CUX1: variants seen among roughly 807,000 people sequenced by gnomAD.
CUX1 encodes the protein cut like homeobox 1.
A neutral mutation model predicts 158.8 loss-of-function variants in CUX1; 31 were observed. That is an observed-to-expected ratio of 0.20 (90% CI 0.15 to 0.26). CUX1 has a LOEUF of 0.26. CUX1 is among the 10% of genes least tolerant of loss of function. CUX1 has a pLI of 1.00. For missense variants in CUX1, 1,589 were observed against 2,014.6 expected, an observed-to-expected ratio of 0.79 and a Z score of 4.04; for synonymous variants, 879 against 862.1, an observed-to-expected ratio of 1.02 and a Z score of -0.34.
At chr7:101,857,234 C>T (rs142095350) in intron 1 of CUX1, among the ~76,000 whole-genome samples, 83 of 152,322 alleles carry the variant, frequency 5.4e-4, no homozygotes, top group East Asian at 2.7e-3. Flanking sequence ...CTCTGAAACC[C>T]GGGCACCTCC....
At chr7:102,219,055 A>AACACACACACACACACACACACAC (rs3138788) in intron 20 of CUX1, among the ~76,000 whole-genome samples, 60 of 126,356 alleles carry the variant, frequency 4.7e-4, no homozygotes, top group African/African-American at 8.7e-4. Context: ...CCTGCCTCAA[A>AACACACACACACACACACACACAC]ACACACACAC....
intron 2 of CUX1, among the ~76,000 whole-genome samples, chr7:101,945,958 ATG>A (rs1245410009): frequency 6.6e-6 from 1 of 152,154 alleles, no homozygotes; most frequent in Non-Finnish European, 1.5e-5. Context: ...TATTTAAAGA[ATG>A]AGTTCTATGC....
At chr7:102,237,360 C>G (rs1351171648) in intron 22 of CUX1, among the ~76,000 whole-genome samples, 2 of 151,660 alleles carry the variant, frequency 1.3e-5, no homozygotes, top group Non-Finnish European at 2.9e-5. Flanking sequence ...CTCGGGTGCA[C>G]GCAGCCTCGG....
At chr7:101,953,747 T>C (rs1809404479) in intron 2 of CUX1, among the ~76,000 whole-genome samples, 1 of 152,146 alleles carries the variant, frequency 6.6e-6, no homozygotes, top group African/African-American at 2.4e-5. Context: ...GCGATGTCTG[T>C]TTTGTCTCAC....
In CUX1 at chr7:102,254,694, G is replaced by A; in HGVS notation, c.*5652G>A. The A allele has an allele frequency of 3.0e-6, 3 of 985,512 alleles. No individual in the cohort carries two copies. The highest frequency in any genetic ancestry group is 3.6e-6 in the Non-Finnish European group (3 of 829,972). The allele number at this position is 985,512 out of a possible 1,614,324, so 61.0% of individuals were successfully genotyped here. ...TCAGTGCTTCTGTGGTTTCACCTGG[G>A]CATCGACGACATTAGGGAAGCCTTT... On this transcript the variant is annotated 3_prime_UTR_variant, in exon 24 of 24. Transcript: ENST00000292535.
At chr7:101,867,673 G>A (rs765637530) in intron 1 of CUX1, among the ~76,000 whole-genome samples, 30 of 152,160 alleles carry the variant, frequency 2.0e-4, no homozygotes, top group African/African-American at 4.8e-5. Context: ...GGTACCTCCC[G>A]GTAAGCAACC....
At chr7:101,898,589 T>A (rs1801785529) in intron 1 of CUX1, among the ~76,000 whole-genome samples, 1 of 145,490 alleles carries the variant, frequency 6.9e-6, no homozygotes, top group South Asian at 2.2e-4. Context: ...CTGTGTCTTT[T>A]TTTTTTTTTT....
At chr7:102,215,259 G>A (rs1489571845) in intron 20 of CUX1, among the ~76,000 whole-genome samples, 1 of 31,256 alleles carries the variant, frequency 3.2e-5, no homozygotes, top group Non-Finnish European at 7.1e-5. Flanking sequence ...TTTTTTTTTT[G>A]CAAGCAAAGA....
intron 8 of CUX1, among the ~76,000 whole-genome samples, chr7:102,157,357 A>C (rs1443962679): frequency 6.6e-6 from 1 of 151,568 alleles, no homozygotes; most frequent in East Asian, 1.9e-4. Flanking sequence ...GGTCACAGAC[A>C]GTTCCAGCCT....
At chr7:101,958,520 G>T (rs921734442) in intron 2 of CUX1, among the ~76,000 whole-genome samples, 2 of 112,960 alleles carry the variant, frequency 1.8e-5, no homozygotes, top group African/African-American at 3.5e-5. Context: ...TCACTCTGTT[G>T]CTCAGACTTG....
intron 1 of CUX1, among the ~76,000 whole-genome samples, chr7:101,882,498 A>G (rs1799817972): frequency 6.6e-6 from 1 of 152,162 alleles, no homozygotes; most frequent in South Asian, 2.1e-4. Flanking sequence ...AAAAAGAAAA[A>G]AAGACCACTC....
intron 2 of CUX1, among the ~76,000 whole-genome samples, chr7:101,926,395 C>T (rs1805596260): frequency 6.6e-6 from 1 of 152,028 alleles, no homozygotes; most frequent in Admixed American, 6.6e-5. Flanking sequence ...AATTCGGGCC[C>T]CAGTCAGGGA....
chr7:102,280,125 G>T (rs200542266), intron 19 of CUX1: 2 of 1,601,034 alleles, frequency 1.2e-6, no homozygotes, highest in South Asian at 2.2e-5. Context: ...AAGCGGGTTC[G>T]TGAGCCCAGC....
At chr7:101,824,393 C>G (rs1338688319) in intron 1 of CUX1, 1 of 152,254 alleles carries the variant, frequency 6.6e-6, no homozygotes, top group Non-Finnish European at 1.5e-5. Context: ...CTGGCCTCCA[C>G]TCTTTTTAGA....
rs376119666 is a variant in CUX1 at position 102,248,520 on chromosome 7, C to T, written c.3996C>T (p.Ser1332=). ...PSARSGRAAP[S]SEGDSCDGVE... ...CCCGCAGCGGCCGGGCGGCGCCCAGCTCGGAGGGCGACAGCTGCGACGGCG... is the reference window on the plus strand; with the variant it reads ...CCCGCAGCGGCCGGGCGGCGCCCAGTTCGGAGGGCGACAGCTGCGACGGCG... The change falls in exon 24 of 24, where the codon AGC becomes AGT. Residue 1332 remains serine (S), a synonymous_variant. Transcript: ENST00000292535. The surrounding 1 kb of genome is among the most constrained non-coding windows in gnomAD (Gnocchi z 5.8). 253 of 1,535,978 alleles carry T rather than the reference C, an allele frequency of 1.6e-4. No homozygotes were observed. Among genetic ancestry groups the T allele is most frequent in the Non-Finnish European group, 2.1e-4 (240 of 1,144,892 alleles).
chr7:102,227,552 C>T lies in CUX1; in HGVS notation c.3316C>T (p.Leu1106=), dbSNP rs1798467957. Residue 1106 remains leucine (L), a synonymous_variant, in exon 21 of 24, where the codon CTG becomes TTG. Coordinates refer to ENST00000292535, the MANE Select transcript of CUX1 (RefSeq NM_181552.4). ...PASDSQPTTP[L]PLSGHSALSI... ...ATCCGACTCCCAGCCCACAACCCCG[C>T]TGCCTCTCTCCGGACACTCGGCCCT... 6.2e-7 allele frequency: 1 copy of T among 1,614,198 alleles called. No homozygotes were observed. The highest frequency in any genetic ancestry group is 2.2e-5 in the East Asian group (1 of 44,884).
intron 3 of CUX1, among the ~76,000 whole-genome samples, chr7:102,052,899 G>A (rs577926828): frequency 1.1e-4 from 17 of 150,768 alleles, no homozygotes; most frequent in African/African-American, 3.4e-4. Context: ...CCTCTGCCTC[G>A]CAGGTTCAAG....
chr7:101,883,324 A>G (rs1026829075), intron 1 of CUX1, among the ~76,000 whole-genome samples: 14 of 152,318 alleles, frequency 9.2e-5, no homozygotes, highest in African/African-American at 2.9e-4. Context: ...TTACAATAGA[A>G]CTATTGACAT....
At chr7:102,144,595 C>T (rs1459084194) in intron 8 of CUX1, among the ~76,000 whole-genome samples, 3 of 147,676 alleles carry the variant, frequency 2.0e-5, no homozygotes, top group East Asian at 2.0e-4. Context: ...TGCTTGAGCC[C>T]GGGAGGTTGA....
Sources: gnomAD v4.1 joint callset for allele counts (sites outside exome capture counted in the v4.1 genomes callset) on GRCh38, gnomAD v4.1.1 for gene constraint, Gnocchi (gnomAD v3.1) non-coding constraint, MANE v1.5 for transcripts, NCBI Gene and HGNC (gene_info 2026-07-23, HGNC 2026-07-21) for gene names.